CNTNAP4: variants seen among roughly 807,000 people sequenced by gnomAD.
CNTNAP4 encodes contactin-associated protein-like 4.
A neutral mutation model predicts 148.4 loss-of-function variants in CNTNAP4; 98 were observed. That is an observed-to-expected ratio of 0.66 (90% confidence interval 0.56 to 0.78). CNTNAP4 has a LOEUF of 0.78. Ranked by LOEUF, CNTNAP4 falls within the 30% of genes least tolerant of loss-of-function variation. The pLI, the probability that CNTNAP4 is intolerant of heterozygous loss-of-function variation, is 0.00. For synonymous variants in CNTNAP4, 730 were observed against 565.1 expected, an observed-to-expected ratio of 1.29 and a Z score of -4.14; for missense variants, 1,935 against 1,565.6, an observed-to-expected ratio of 1.24 and a Z score of -3.98.
At chr16:76,484,588 G>T (rs774142814) in intron 12 of CNTNAP4, among the ~76,000 whole-genome samples, 1 of 152,132 alleles carries the variant, frequency 6.6e-6, no homozygotes, top group Non-Finnish European at 1.5e-5. Context: ...AATGGGGGAG[G>T]TTAAGTGTAG....
chr16:76,548,611 G>A (rs1262370280), intron 21 of CNTNAP4, among the ~76,000 whole-genome samples: 1 of 151,966 alleles, frequency 6.6e-6, no homozygotes, highest in Non-Finnish European at 1.5e-5. Context: ...ACAAGCAGAA[G>A]TCACTCCCTT....
intron 3 of CNTNAP4, among the ~76,000 whole-genome samples, chr16:76,356,270 A>G (rs1000022431): frequency 5.3e-5 from 8 of 152,020 alleles, no homozygotes; most frequent in East Asian, 1.9e-4. Context: ...TCTCTGGTAT[A>G]TGGGGATTTA....
chr16:76,534,720 G>A (rs2084140746), intron 17 of CNTNAP4, among the ~76,000 whole-genome samples: 1 of 152,048 alleles, frequency 6.6e-6, no homozygotes. Flanking sequence ...GTATTTCTTG[G>A]AGCAAGCTAC....
intron 21 of CNTNAP4, among the ~76,000 whole-genome samples, chr16:76,546,033 CAAAA>C (rs34575100): frequency 7.1e-6 from 1 of 140,400 alleles, no homozygotes; most frequent in Admixed American, 7.2e-5. Context: ...GACTCCATTT[CAAAA>C]AAAAAAAGAA....
At chr16:76,416,150 C>G (rs2144955828) in intron 3 of CNTNAP4, among the ~76,000 whole-genome samples, 1 of 150,920 alleles carries the variant, frequency 6.6e-6, no homozygotes, top group South Asian at 2.1e-4. Flanking sequence ...TTTTCTTTCC[C>G]TTTTTTCCCC....
chr16:76,426,827 G>A (rs774127955), intron 3 of CNTNAP4, among the ~76,000 whole-genome samples: 3 of 152,012 alleles, frequency 2.0e-5, no homozygotes, highest in African/African-American at 4.8e-5. Context: ...TCTAAAGTCC[G>A]TAAGTTTAAT....
chr16:76,478,802 A>T (rs1208943811), intron 11 of CNTNAP4, among the ~76,000 whole-genome samples: 1 of 152,160 alleles, frequency 6.6e-6, no homozygotes, highest in East Asian at 1.9e-4. Context: ...AATTTTAATT[A>T]TCTTGAGTTC....
chr16:76,469,289 G>C (rs1447549867), intron 10 of CNTNAP4, among the ~76,000 whole-genome samples: 2 of 152,330 alleles, frequency 1.3e-5, no homozygotes, highest in Non-Finnish European at 2.9e-5. Flanking sequence ...CAACTGGCTA[G>C]ATTTGGGGAT....
At chr16:76,543,276 G>T (rs1346428408) in intron 21 of CNTNAP4, among the ~76,000 whole-genome samples, 2 of 152,112 alleles carry the variant, frequency 1.3e-5, no homozygotes. Flanking sequence ...ATAACTTGTG[G>T]TCAAATTTTG....
rs114549365 is a variant in CNTNAP4 at position 76,296,994 on chromosome 16, T to C, written c.85+19247T>C. ...ATATGCCCCTGGACATATCCAGCCA[T>C]GAAGAAAAACCCAGAAGGTTTTCAC... On this transcript the variant is annotated intron_variant, in intron 1 of 23. Transcript: ENST00000611870. Among the ~76,000 whole-genome samples the C allele has an allele frequency of 4.7e-3, 719 of 152,286 alleles. 8 individuals are homozygous for C. Among genetic ancestry groups the C allele is most frequent in the African/African-American group, 0.017 (702 of 41,564 alleles).
intron 3 of CNTNAP4, among the ~76,000 whole-genome samples, chr16:76,410,097 T>A (rs1369430716): frequency 7.5e-6 from 1 of 133,784 alleles, no homozygotes; most frequent in Non-Finnish European, 1.7e-5. Context: ...AGAGCCAGGA[T>A]TGTCTTATTA....
intron 14 of CNTNAP4, 73 bp from the exon 15 acceptor site, chr16:76,498,494 A>G: frequency 7.4e-7 from 1 of 1,352,980 alleles, no homozygotes; most frequent in Middle Eastern, 1.9e-4. Flanking sequence ...TTAGTTCAGA[A>G]CATCTTGGTT....
chr16:76,551,973 C>G (rs2084968799), intron 21 of CNTNAP4, among the ~76,000 whole-genome samples: 1 of 152,124 alleles, frequency 6.6e-6, no homozygotes. Flanking sequence ...AAAGAGCTTC[C>G]TGAGACTGGG....
chr16:76,380,320 C>G (rs1012863769), intron 3 of CNTNAP4, among the ~76,000 whole-genome samples: 5 of 152,128 alleles, frequency 3.3e-5, no homozygotes, highest in Non-Finnish European at 1.5e-5. Context: ...GCGTATAGGA[C>G]CAGGATTTGT....
intron 2 of CNTNAP4, among the ~76,000 whole-genome samples, chr16:76,337,771 A>G (rs939986615): frequency 1.3e-5 from 2 of 152,146 alleles, no homozygotes; most frequent in African/African-American, 2.4e-5. Context: ...GCAGCCGTCC[A>G]TAGACCTACC....
intron 4 of CNTNAP4, among the ~76,000 whole-genome samples, chr16:76,430,638 G>T (rs567185838): frequency 1.3e-5 from 2 of 151,904 alleles, no homozygotes; most frequent in East Asian, 3.9e-4. Context: ...CTTGAGGAAG[G>T]CCTGAAGGAT....
chr16:76,536,331 G>T (rs1344265654), intron 18 of CNTNAP4, among the ~76,000 whole-genome samples: 1 of 152,018 alleles, frequency 6.6e-6, no homozygotes, highest in Non-Finnish European at 1.5e-5. Flanking sequence ...GAGTAGCTGG[G>T]CTTACAGGAG....
At chr16:76,380,279 T>C (rs1384127091) in intron 3 of CNTNAP4, among the ~76,000 whole-genome samples, 1 of 152,188 alleles carries the variant, frequency 6.6e-6, no homozygotes, top group Non-Finnish European at 1.5e-5. Flanking sequence ...CATCTGTGAT[T>C]GTCAAGGGAA....
chr16:76,540,780 C>T lies in CNTNAP4; in HGVS notation c.3432C>T (p.Gly1144=). 6.4e-7 allele frequency: 1 copy of T among 1,564,418 alleles called. No homozygotes were observed. The highest frequency in any genetic ancestry group is 8.7e-7 in the Non-Finnish European group (1 of 1,151,912). Residue 1144 remains glycine, a synonymous_variant, in exon 21 of 24, where the codon GGC becomes GGT. Transcript: ENST00000611870. ...EFSAVKSLVL[G]RILEHSDVDQ... is the part of the protein sequence containing the mutation. Reference sequence around the variant, plus strand: ...GTGCAGTCAAATCTCTGGTATTGGGCAGGATTTTAGGTAAGTGAAAGAAAC... The same window carrying T: ...GTGCAGTCAAATCTCTGGTATTGGGTAGGATTTTAGGTAAGTGAAAGAAAC...
Sources: allele counts gnomAD v4.1 joint callset (sites outside exome capture counted in the v4.1 genomes callset), GRCh38; gene constraint gnomAD v4.1.1; transcripts MANE v1.5; gene names NCBI Gene and HGNC (gene_info 2026-07-23, HGNC 2026-07-21).